Variants in CPEB3 observed in about 807,000 individuals in gnomAD.
The protein encoded by CPEB3 is cytoplasmic polyadenylation element binding protein 3.
In CPEB3, 20 loss-of-function variants were observed where a neutral mutation model predicts 67.2. That is an observed-to-expected ratio of 0.30 (90% CI 0.21 to 0.43). The LOEUF (loss-of-function observed/expected upper bound fraction) is 0.43. Ranked by LOEUF, CPEB3 falls within the 20% of genes least tolerant of loss-of-function variation. CPEB3 has a pLI of 1.00. For missense variants in CPEB3, 746 were observed against 968.6 expected, an observed-to-expected ratio of 0.77 and a Z score of 3.05; for synonymous variants, 376 against 393.1, an observed-to-expected ratio of 0.96 and a Z score of 0.51.
At chr10:92,112,998 C>T (rs906543401) in intron 6 of CPEB3, among the ~76,000 whole-genome samples, 1 of 152,194 alleles carries the variant, frequency 6.6e-6, no homozygotes, top group African/African-American at 2.4e-5. Flanking sequence ...CGTTTTTAGC[C>T]TTTTCTCCAA....
At chr10:92,169,202 A>G (rs1192478073) in intron 4 of CPEB3, among the ~76,000 whole-genome samples, 3 of 141,534 alleles carry the variant, frequency 2.1e-5, no homozygotes, top group Admixed American at 7.1e-5. Context: ...GCAATGGTGC[A>G]GTCTCGGCTC....
chr10:92,254,354 GC>G (rs1175837481), intron 1 of CPEB3, among the ~76,000 whole-genome samples: 3 of 151,892 alleles, frequency 2.0e-5, no homozygotes, highest in African/African-American at 4.8e-5. Flanking sequence ...AATGTTAAAA[GC>G]TAAGGCAATT....
intron 9 of CPEB3, among the ~76,000 whole-genome samples, chr10:92,068,038 G>A (rs1842621720): frequency 6.6e-6 from 1 of 152,134 alleles, no homozygotes; most frequent in Non-Finnish European, 1.5e-5. Flanking sequence ...TCAAGTGCTA[G>A]GGTTATGAAA....
intron 4 of CPEB3, among the ~76,000 whole-genome samples, chr10:92,162,061 A>G (rs572544344): frequency 7.2e-5 from 11 of 152,298 alleles, no homozygotes; most frequent in Non-Finnish European, 1.5e-4. Context: ...AAGATACAAT[A>G]TTCTTTCAAA....
At chr10:92,118,115 C>G (rs1296705796) in intron 6 of CPEB3, among the ~76,000 whole-genome samples, 3 of 152,060 alleles carry the variant, frequency 2.0e-5, no homozygotes, top group Non-Finnish European at 2.9e-5. Context: ...TGACAGTGAC[C>G]ATTTGACAGT....
intron 9 of CPEB3, among the ~76,000 whole-genome samples, chr10:92,061,759 A>G (rs1257206579): frequency 6.6e-6 from 1 of 152,158 alleles, no homozygotes; most frequent in Non-Finnish European, 1.5e-5. Flanking sequence ...AATAAGACCT[A>G]CTATTTCATA....
At chr10:92,056,131 C>T (rs1160708036) in intron 9 of CPEB3, among the ~76,000 whole-genome samples, 1 of 152,160 alleles carries the variant, frequency 6.6e-6, no homozygotes, top group Admixed American at 6.5e-5. Context: ...TCCAGATGAG[C>T]GAGGGTGCTG....
At chr10:92,125,787 A>G (rs1222134177) in intron 6 of CPEB3, among the ~76,000 whole-genome samples, 2 of 151,712 alleles carry the variant, frequency 1.3e-5, no homozygotes, top group African/African-American at 4.8e-5. Context: ...GTGTGGCACA[A>G]TCTCGGCTTA....
chr10:92,154,879 C>T (rs1007287310), intron 4 of CPEB3, among the ~76,000 whole-genome samples: 8 of 152,226 alleles, frequency 5.3e-5, no homozygotes, highest in African/African-American at 1.4e-4. Context: ...GAACTAAAAA[C>T]TTTCACATAT....
chr10:92,159,790 A>G (rs1847380338), intron 4 of CPEB3, among the ~76,000 whole-genome samples: 2 of 152,214 alleles, frequency 1.3e-5, no homozygotes, highest in African/African-American at 4.8e-5. Context: ...ATTTTCTACT[A>G]CTTTCCACTT....
intron 6 of CPEB3, chr10:92,137,653 GA>G (rs1320930235): frequency 3.5e-6 from 2 of 565,860 alleles, no homozygotes; most frequent in East Asian, 6.1e-5. Flanking sequence ...TGGCTTGTAT[GA>G]AACCCTGATT....
At chr10:92,121,380 ATATAT>A (rs1291752250) in intron 6 of CPEB3, among the ~76,000 whole-genome samples, 4 of 141,690 alleles carry the variant, frequency 2.8e-5, no homozygotes, top group Non-Finnish European at 6.1e-5. Flanking sequence ...TTTATATATA[ATATAT>A]TATATATATA....
At chr10:92,144,833 C>A in intron 5 of CPEB3, 112 bp downstream of exon 5, 1 of 869,874 alleles carries the variant, frequency 1.1e-6, no homozygotes, top group Non-Finnish European at 1.8e-6. Context: ...AGTCTCACCT[C>A]CTATGCACTA....
At chr10:92,077,823 G>A (rs1294615551) in intron 9 of CPEB3, among the ~76,000 whole-genome samples, 2 of 149,308 alleles carry the variant, frequency 1.3e-5, no homozygotes, top group Non-Finnish European at 3.0e-5. Flanking sequence ...AGAGGGGAGG[G>A]GAGTGAAGGG....
At chr10:92,107,099 C>G (rs186748420) in intron 7 of CPEB3, among the ~76,000 whole-genome samples, 6 of 152,186 alleles carry the variant, frequency 3.9e-5, no homozygotes, top group Admixed American at 3.9e-4. Context: ...GAGGAAACAC[C>G]AGAATGACAG....
At chr10:92,167,912 A>T (rs1314819868) in intron 4 of CPEB3, among the ~76,000 whole-genome samples, 2 of 152,158 alleles carry the variant, frequency 1.3e-5, no homozygotes, top group African/African-American at 4.8e-5. Flanking sequence ...CTGTCTCAAA[A>T]AAAATAAAAT....
chr10:92,246,244 A>G (rs1171331888), intron 1 of CPEB3, among the ~76,000 whole-genome samples: 85 of 148,596 alleles, frequency 5.7e-4, no homozygotes, highest in Non-Finnish European at 7.8e-4. Context: ...TGAGGCAGGA[A>G]AATGGCGTGA....
chr10:92,168,541 A>G (rs1187703147), intron 4 of CPEB3, among the ~76,000 whole-genome samples: 1 of 152,112 alleles, frequency 6.6e-6, no homozygotes, highest in Admixed American at 6.6e-5. Flanking sequence ...CCCATGTGCC[A>G]TAGGAGAAAC....
chr10:92,053,357 A>T (rs1013397377), intron 9 of CPEB3, among the ~76,000 whole-genome samples: 5 of 148,544 alleles, frequency 3.4e-5, no homozygotes, highest in Admixed American at 6.7e-5. Context: ...TAACTTTATC[A>T]TTTTTTTTTT....
Sources: gnomAD v4.1 joint callset for allele counts (sites outside exome capture counted in the v4.1 genomes callset) on GRCh38, gnomAD v4.1.1 for gene constraint, MANE v1.5 for transcripts, NCBI Gene and HGNC (gene_info 2026-07-23, HGNC 2026-07-21) for gene names.